The following SFSWAP variants were observed in gnomAD, a reference collection of about 807,000 sequenced individuals.
The protein encoded by SFSWAP is splicing factor, suppressor of white-apricot homolog.
Under a neutral mutation model 100.7 loss-of-function variants are expected in SFSWAP, and 17 were observed. That is an observed-to-expected ratio of 0.17 (90% CI 0.12 to 0.25). The LOEUF (loss-of-function observed/expected upper bound fraction) is 0.25, where lower values mean the gene tolerates loss of function less well. SFSWAP is among the 10% of genes least tolerant of loss of function. SFSWAP has a pLI of 1.00. For synonymous variants in SFSWAP, 504 were observed against 510.1 expected (o/e 0.99, Z 0.16); for missense variants, 1,005 against 1,262.6 (o/e 0.80, Z 3.09).
chr12:131,770,999 A>C (rs1883546497), intron 13 of SFSWAP, among the ~76,000 whole-genome samples: 1 of 152,186 alleles, frequency 6.6e-6, no homozygotes, highest in Non-Finnish European at 1.5e-5. Flanking sequence ...CCAGCCATGC[A>C]GCAGCCGCAT....
At chr12:131,752,350 A>C (rs534665902) in intron 7 of SFSWAP, among the ~76,000 whole-genome samples, 9 of 152,208 alleles carry the variant, frequency 5.9e-5, no homozygotes, top group Non-Finnish European at 1.3e-4. Context: ...TAATCATTGA[A>C]TCTTCTGTGA....
chr12:131,754,403 C>T lies in SFSWAP; in HGVS notation c.1358C>T (p.Pro453Leu). The T allele has an allele frequency of 3.1e-6, 5 of 1,597,426 alleles. No homozygotes were observed. Among genetic ancestry groups the T allele is most frequent in the Non-Finnish European group, 4.3e-6 (5 of 1,174,118 alleles). The change falls in exon 9 of 18, where the codon CCC (proline) becomes CTC (leucine). Residue 453 changes from proline (P) to leucine (L), a missense_variant. Physicochemically the swap from Pro to Leu is moderately conservative, Grantham distance 98. Coordinates refer to ENST00000261674, the MANE Select transcript of SFSWAP (RefSeq NM_004592.4). The part of the protein sequence containing the change: ...LAPVAAIIPP[P>L]PDVQPVIDKL... The stretch of plus-strand genomic sequence containing the variant: ...CCCGTGGCCGCCATCATCCCCCCGC[C>T]CCCCGACGTCCAGCCCGTGATTGAC...
At chr12:131,761,063 C>T (rs1882636566) in intron 11 of SFSWAP, among the ~76,000 whole-genome samples, 1 of 152,156 alleles carries the variant, frequency 6.6e-6, no homozygotes, top group Non-Finnish European at 1.5e-5. Flanking sequence ...AAGAGCGAAA[C>T]TCCGTCTCAA....
At chr12:131,775,402 G>A (rs938190875) in intron 13 of SFSWAP, among the ~76,000 whole-genome samples, 8 of 152,160 alleles carry the variant, frequency 5.3e-5, no homozygotes, top group Admixed American at 6.5e-5. Context: ...TCCCAATGGC[G>A]TCTTTCAGCC....
At chr12:131,756,393 A>ATG (rs1882160756) in intron 10 of SFSWAP, 80 bp from the exon 11 acceptor site, 8 of 1,221,922 alleles carry the variant, frequency 6.5e-6, no homozygotes, top group Non-Finnish European at 6.8e-6. Flanking sequence ...CCAGTGAAAC[A>ATG]TATACCGTAT....
intron 16 of SFSWAP, among the ~76,000 whole-genome samples, chr12:131,797,849 A>G (rs1362489951): frequency 6.6e-6 from 1 of 152,250 alleles, no homozygotes; most frequent in Admixed American, 6.5e-5. Flanking sequence ...ACTTCAAGTC[A>G]GACACCCTCC....
intron 7 of SFSWAP, among the ~76,000 whole-genome samples, chr12:131,747,894 A>C (rs1430388147): frequency 2.0e-5 from 3 of 152,230 alleles, no homozygotes; most frequent in African/African-American, 7.2e-5. Flanking sequence ...TGCAGCCATC[A>C]AGTATAAATA....
In SFSWAP at chr12:131,711,760, A is replaced by G. The variant is rs562222289; in HGVS notation, c.218+313A>G. 19 of 360,570 alleles carry G rather than the reference A, an allele frequency of 5.3e-5. No individual in the cohort carries two copies. The South Asian group carries it at 5.9e-4, about 11-fold the overall frequency. 22.3% of individuals were successfully genotyped at this position (360,570 alleles called of 1,614,324 possible). ...GCGATTCCGCGCGGTGAAAGCAGCC[A>G]GTGCCCAGGGTCTTTTCCTGAGTGC... On this transcript the variant is annotated intron_variant, in intron 1 of 17. Transcript: ENST00000261674. The surrounding 1 kb of genome is among the most constrained non-coding windows in gnomAD (Gnocchi z 4.9).
chr12:131,732,212 T>C (rs1167388823), intron 7 of SFSWAP, among the ~76,000 whole-genome samples: 1 of 152,158 alleles, frequency 6.6e-6, no homozygotes, highest in Non-Finnish European at 1.5e-5. Flanking sequence ...CCCAGCCGTG[T>C]TGCTATTATA....
At chr12:131,796,621 TAAGAAAA>T (rs1378821098) in intron 15 of SFSWAP, 2 of 152,566 alleles carry the variant, frequency 1.3e-5, no homozygotes, top group Non-Finnish European at 2.9e-5. Flanking sequence ...CCCCATCTCT[TAAGAAAA>T]AGGAAGAAGC....
In SFSWAP at chr12:131,734,216, G is replaced by A. The variant is rs1474639692; in HGVS notation, c.1081+5788G>A. On this transcript the variant is annotated intron_variant, in intron 7 of 17. Coordinates refer to ENST00000261674, the MANE Select transcript of SFSWAP (RefSeq NM_004592.4). The surrounding 1 kb of genome is among the most constrained non-coding windows in gnomAD (Gnocchi z 4.9). ...CGCCCTCGAGGACTTGAAGGCTGACGTTGGGCTGGGTGTGGCTCGTACATA... is the reference window on the plus strand; with the variant it reads ...CGCCCTCGAGGACTTGAAGGCTGACATTGGGCTGGGTGTGGCTCGTACATA... Among the ~76,000 whole-genome samples the A allele has an allele frequency of 2.6e-5, 4 of 152,236 alleles. No individual in the cohort carries two copies. The highest frequency in any genetic ancestry group is 1.9e-4 in the East Asian group (1 of 5,194).
At chr12:131,719,611 C>A in intron 4 of SFSWAP, 72 bp downstream of exon 4, 1 of 1,220,934 alleles carries the variant, frequency 8.2e-7, no homozygotes, top group Non-Finnish European at 1.2e-6. Flanking sequence ...TGTGGGAAAG[C>A]TCAATAATGA....
intron 13 of SFSWAP, among the ~76,000 whole-genome samples, chr12:131,775,709 A>C (rs542104619): frequency 1.2e-4 from 18 of 152,176 alleles, no homozygotes; most frequent in Non-Finnish European, 1.3e-4. Context: ...CTTGTGGGCA[A>C]ATCCTGACTA....
At chr12:131,764,016 C>A (rs1221390043) in intron 11 of SFSWAP, among the ~76,000 whole-genome samples, 1 of 152,146 alleles carries the variant, frequency 6.6e-6, no homozygotes, top group Non-Finnish European at 1.5e-5. Flanking sequence ...CTCCCAGCTA[C>A]TCAGGAGGCT....
chr12:131,746,915 T>C (rs534434554), intron 7 of SFSWAP, among the ~76,000 whole-genome samples: 3 of 152,176 alleles, frequency 2.0e-5, no homozygotes, highest in South Asian at 2.1e-4. Context: ...CCATCCTGGC[T>C]AACACGGTGA....
chr12:131,795,267 C>T (rs1191601287), intron 15 of SFSWAP, among the ~76,000 whole-genome samples: 3 of 152,204 alleles, frequency 2.0e-5, no homozygotes, highest in Non-Finnish European at 1.5e-5. Flanking sequence ...TGGCAGGTCC[C>T]GCCTTGTTTG....
chr12:131,779,199 G>A (rs1338200762), intron 14 of SFSWAP, among the ~76,000 whole-genome samples: 3 of 150,502 alleles, frequency 2.0e-5, no homozygotes, highest in East Asian at 2.0e-4. Flanking sequence ...AGAGGGCAGC[G>A]CGGATGAGTG....
rs1884204616 is a variant in SFSWAP at position 131,778,505 on chromosome 12, G to A, written c.2408+175G>A. ...CAAGTAAGATCTTTTTCAGATTTTT[G>A]TTTGTTTTATACTTAACTTTTTCTT... is the stretch of plus-strand genomic sequence containing the variant. On this transcript the variant is annotated intron_variant, in intron 14 of 17. Transcript: ENST00000261674. The surrounding 1 kb of genome is among the most constrained non-coding windows in gnomAD (Gnocchi z 4.2). 6.6e-6 allele frequency among the ~76,000 whole-genome samples: 1 copy of A among 152,156 alleles called. No individual in the cohort carries two copies. Among genetic ancestry groups the A allele is most frequent in the African/African-American group, 2.4e-5 (1 of 41,444 alleles).
At chr12:131,741,159 A>G (rs1001119637) in intron 7 of SFSWAP, among the ~76,000 whole-genome samples, 3 of 151,272 alleles carry the variant, frequency 2.0e-5, no homozygotes, top group Non-Finnish European at 2.9e-5. Context: ...TTTAGTAGAG[A>G]CAGGGTTTCA....
Sources: gnomAD v4.1 joint callset for allele counts (sites outside exome capture counted in the v4.1 genomes callset) on GRCh38, gnomAD v4.1.1 for gene constraint, Gnocchi (gnomAD v3.1) non-coding constraint, MANE v1.5 for transcripts, NCBI Gene and HGNC (gene_info 2026-07-23, HGNC 2026-07-21) for gene names.